Variants in CPNE4 observed in about 807,000 individuals in gnomAD.
CPNE4 encodes the protein copine 4.
A neutral mutation model predicts 67.9 loss-of-function variants in CPNE4; 25 were observed. The observed-to-expected ratio is 0.37, with a 90% CI of 0.27 to 0.51. The LOEUF is 0.51. Ranked by LOEUF, CPNE4 falls within the 20% of genes least tolerant of loss-of-function variation. The probability of loss-of-function intolerance (pLI) is 0.93; values close to 1 mark genes in which losing one functional copy is unlikely to be tolerated. For missense variants in CPNE4, 464 were observed against 690.8 expected (o/e 0.67, Z 3.68); for synonymous variants, 242 against 244.9 (o/e 0.99, Z 0.11).
chr3:131,753,215 T>G (rs2082673766), intron 2 of CPNE4, among the ~76,000 whole-genome samples: 1 of 151,676 alleles, frequency 6.6e-6, no homozygotes, highest in African/African-American at 2.4e-5. Context: ...CCTAATAACC[T>G]AAGAAAAAAG....
At chr3:131,693,379 A>T (rs1221283712) in intron 5 of CPNE4, among the ~76,000 whole-genome samples, 1 of 152,174 alleles carries the variant, frequency 6.6e-6, no homozygotes, top group Non-Finnish European at 1.5e-5. Context: ...AAAATAATAA[A>T]ATAAACCTAC....
intron 15 of CPNE4, among the ~76,000 whole-genome samples, chr3:131,539,481 C>G (rs751453183): frequency 6.6e-6 from 1 of 152,214 alleles, no homozygotes; most frequent in Non-Finnish European, 1.5e-5. Context: ...GATTTTTCTG[C>G]TAATACCTTT....
At chr3:131,809,638 A>G (rs915307018) in intron 2 of CPNE4, among the ~76,000 whole-genome samples, 1 of 152,190 alleles carries the variant, frequency 6.6e-6, no homozygotes, top group African/African-American at 2.4e-5. Context: ...TGGGTTAATG[A>G]AAACCAGTGG....
intron 7 of CPNE4, among the ~76,000 whole-genome samples, chr3:131,654,995 G>A (rs1378613012): frequency 6.6e-6 from 1 of 152,188 alleles, no homozygotes; most frequent in Non-Finnish European, 1.5e-5. Context: ...AACACTCTGG[G>A]AAAGAGTCTT....
chr3:131,992,491 G>A (rs1391049910), intron 1 of CPNE4, among the ~76,000 whole-genome samples: 1 of 136,810 alleles, frequency 7.3e-6, no homozygotes, highest in Non-Finnish European at 1.7e-5. Flanking sequence ...ATTGTATCTA[G>A]GAAGTAACTA....
At chr3:131,794,494 C>T (rs964592423) in intron 2 of CPNE4, among the ~76,000 whole-genome samples, 1 of 152,074 alleles carries the variant, frequency 6.6e-6, no homozygotes, top group Non-Finnish European at 1.5e-5. Context: ...CCACCCACCT[C>T]GGCCTCCCAA....
intron 2 of CPNE4, among the ~76,000 whole-genome samples, chr3:131,876,641 C>CAATAAAAAAAAAA (rs2087467580): frequency 9.8e-6 from 1 of 101,648 alleles, no homozygotes; most frequent in African/African-American, 4.2e-5. Flanking sequence ...GACTCCGTCT[C>CAATAAAAAAAAAA]AAAAAAAAAA....
chr3:132,034,567 C>G lies in CPNE4; in HGVS notation c.-2G>C. 1.0e-6 allele frequency: 1 copy of G among 984,672 alleles called. No individual in the cohort carries two copies. The highest frequency in any genetic ancestry group is 1.2e-6 in the Non-Finnish European group (1 of 829,236). 61.0% of individuals were successfully genotyped at this position (984,672 alleles called of 1,614,324 possible). ...GAATGAAGAGTTGGCATTTACTTAC[C>G]TGGGTGTGCCAATCTCGAAGAGTGG... On this transcript the variant is annotated splice_region_variant and 5_prime_UTR_variant, in exon 1 of 16. Coordinates refer to ENST00000429747, the MANE Select transcript of CPNE4 (RefSeq NM_130808.3).
chr3:131,579,083 T>C (rs954520093), intron 9 of CPNE4, among the ~76,000 whole-genome samples: 3 of 152,208 alleles, frequency 2.0e-5, no homozygotes, highest in Non-Finnish European at 4.4e-5. Flanking sequence ...TGGCTTCAAA[T>C]CTTCAAAGGG....
chr3:131,545,324 T>C (rs1935767120), intron 14 of CPNE4, among the ~76,000 whole-genome samples: 1 of 152,220 alleles, frequency 6.6e-6, no homozygotes, highest in African/African-American at 2.4e-5. Context: ...AGTTATAGTT[T>C]ATTGACTGCT....
chr3:131,698,233 C>CAAAAAAAAAAAAAAAAAAAAAAAA (rs369274504), intron 4 of CPNE4, among the ~76,000 whole-genome samples: 25 of 64,456 alleles, frequency 3.9e-4, no homozygotes, highest in South Asian at 1.8e-3. Flanking sequence ...GGCTCTGTCT[C>CAAAAAAAAAAAAAAAAAAAAAAAA]AAAAAAAAAA....
At chr3:131,706,041 C>A (rs2081407109) in intron 3 of CPNE4, among the ~76,000 whole-genome samples, 1 of 152,180 alleles carries the variant, frequency 6.6e-6, no homozygotes, top group South Asian at 2.1e-4. Context: ...TCCCCTAGCA[C>A]CTAATGTCCT....
chr3:131,765,651 T>G (rs761370481), intron 2 of CPNE4, among the ~76,000 whole-genome samples: 11 of 152,106 alleles, frequency 7.2e-5, no homozygotes, highest in Non-Finnish European at 1.3e-4. Flanking sequence ...TCAATAGGTT[T>G]TCTGGTGGTC....
chr3:131,567,031 T>C (rs1241425051), intron 10 of CPNE4, among the ~76,000 whole-genome samples: 2 of 152,052 alleles, frequency 1.3e-5, no homozygotes, highest in South Asian at 4.1e-4. Context: ...CCATCATGGG[T>C]CACCACCTCC....
chr3:131,835,263 T>G (rs906111895), intron 2 of CPNE4, among the ~76,000 whole-genome samples: 1 of 152,120 alleles, frequency 6.6e-6, no homozygotes, highest in African/African-American at 2.4e-5. Context: ...GTGCGGAGGC[T>G]CAAGCCTGTA....
intron 2 of CPNE4, among the ~76,000 whole-genome samples, chr3:131,836,747 T>C (rs2085570672): frequency 6.6e-6 from 1 of 152,206 alleles, no homozygotes. Context: ...ATGAAAAATT[T>C]GTGTTTTGCT....
intron 1 of CPNE4, among the ~76,000 whole-genome samples, chr3:131,952,365 G>T (rs1194142867): frequency 6.7e-6 from 1 of 149,742 alleles, no homozygotes; most frequent in Non-Finnish European, 1.5e-5. Context: ...CCCTCCGCCC[G>T]GCAGCCGCCC....
intron 2 of CPNE4, among the ~76,000 whole-genome samples, chr3:131,749,861 A>C (rs940016909): frequency 6.6e-6 from 1 of 152,156 alleles, no homozygotes; most frequent in African/African-American, 2.4e-5. Context: ...TTGTTGTAAC[A>C]GAATACCTGA....
intron 1 of CPNE4, among the ~76,000 whole-genome samples, chr3:132,011,808 G>T (rs1325478397): frequency 6.6e-6 from 1 of 152,226 alleles, no homozygotes; most frequent in African/African-American, 2.4e-5. Flanking sequence ...AGGAGCCTGT[G>T]TCAAAAGTGT....
Sources: gnomAD v4.1 joint callset for allele counts (sites outside exome capture counted in the v4.1 genomes callset) on GRCh38, gnomAD v4.1.1 for gene constraint, MANE v1.5 for transcripts, NCBI Gene and HGNC (gene_info 2026-07-23, HGNC 2026-07-21) for gene names.